Variants in EIF3A observed in about 807,000 individuals in gnomAD.
EIF3A encodes the protein eukaryotic translation initiation factor 3 subunit A.
A neutral mutation model predicts 186.6 loss-of-function variants in EIF3A; 21 were observed. That is an observed-to-expected ratio of 0.11 (90% CI 0.08 to 0.16). EIF3A has a LOEUF of 0.16. Among genes scored for constraint, EIF3A ranks in the 10% least tolerant of loss-of-function variants. The pLI is 1.00. For missense variants in EIF3A, 1,306 were observed against 1,796.3 expected (o/e 0.73, Z 4.93); for synonymous variants, 563 against 584.3 (o/e 0.96, Z 0.52).
chr10:119,080,450 T>G, intron 1 of EIF3A, 178 bp downstream of exon 1: 2 of 985,210 alleles, frequency 2.0e-6, no homozygotes, highest in Non-Finnish European at 2.4e-6. Context: ...CAGACCCCAG[T>G]CGATAGAGTG....
chr10:119,050,091 AG>A, intron 16 of EIF3A, 106 bp from the exon 17 acceptor site: 1 of 1,110,312 alleles, frequency 9.0e-7, no homozygotes, highest in Non-Finnish European at 1.3e-6. Flanking sequence ...TACAAGTAAA[AG>A]AATTTGAAAA....
Position 119,061,202 on chromosome 10 carries a change from G to A in EIF3A, c.1227+22C>T, listed in dbSNP as rs751987593. ...AAGGCCAACTCTGTGGTAACAACCA[G>A]AACTTAAATACAAAGGCTTACCTTT... On this transcript the variant is annotated intron_variant, in intron 8 of 21. Transcript: ENST00000369144. The A allele has an allele frequency of 9.5e-6, 13 of 1,374,746 alleles. No homozygotes were observed. In the Admixed American group the frequency reaches 1.9e-4, roughly 21 times the overall value. 85.2% of individuals were successfully genotyped at this position (1,374,746 alleles called of 1,614,324 possible).
chr10:119,064,719 TTTG>T (rs1226950601), intron 7 of EIF3A, among the ~76,000 whole-genome samples: 4 of 152,106 alleles, frequency 2.6e-5, no homozygotes, highest in African/African-American at 9.7e-5. Flanking sequence ...TTTTTGTTTG[TTTG>T]TTTGAAAAGG....
At chr10:119,064,322 C>T (rs907401751) in intron 7 of EIF3A, among the ~76,000 whole-genome samples, 2 of 152,134 alleles carry the variant, frequency 1.3e-5, no homozygotes, top group Non-Finnish European at 2.9e-5. Flanking sequence ...CTTACCTTCT[C>T]CCCTAGTGAT....
At chr10:119,037,907 A>ATTTTTTT (rs575308953) in intron 20 of EIF3A, among the ~76,000 whole-genome samples, 2 of 93,104 alleles carry the variant, frequency 2.1e-5, no homozygotes, top group Non-Finnish European at 3.8e-5. Context: ...TTAAGAGGGA[A>ATTTTTTT]TTTTTTTTTT....
rs765075620 is a variant in EIF3A at position 119,042,129 on chromosome 10, G to T, written c.3391C>A (p.Arg1131Ser). The change falls in exon 19 of 22, where the codon CGT becomes AGT. Residue 1131 changes from arginine to serine, a missense_variant. Arg to Ser is a moderately radical substitution (Grantham distance 110). This residue lies in a region of EIF3A where 331 missense variants were observed against 365.8 expected (regional missense o/e 0.90). Coordinates refer to ENST00000369144, the MANE Select transcript of EIF3A (RefSeq NM_003750.4). The surrounding 1 kb of genome is among the most constrained non-coding windows in gnomAD (Gnocchi z 7.8). ...RNADDDRIPR[R>S]GAEDDRGPWR... Reference sequence around the variant, plus strand: ...GGGCCCCTGTCATCCTCTGCACCACGCCTGGGAATTCTGTCATCATCGGCG... The same window carrying T: ...GGGCCCCTGTCATCCTCTGCACCACTCCTGGGAATTCTGTCATCATCGGCG... 1 of 1,614,054 alleles carries T rather than the reference G, an allele frequency of 6.2e-7. No individual in the cohort carries two copies. Among genetic ancestry groups the T allele is most frequent in the Non-Finnish European group, 8.5e-7 (1 of 1,180,022 alleles).
At chr10:119,063,847 C>T (rs974192040) in intron 7 of EIF3A, among the ~76,000 whole-genome samples, 2 of 152,180 alleles carry the variant, frequency 1.3e-5, no homozygotes, top group African/African-American at 4.8e-5. Context: ...CTTAGGGAAG[C>T]CGAGGGGGAT....
At chr10:119,068,154 G>GT (rs1564759279) in intron 6 of EIF3A, among the ~76,000 whole-genome samples, 1 of 151,974 alleles carries the variant, frequency 6.6e-6, no homozygotes, top group African/African-American at 2.4e-5. Context: ...CAGGTTATAC[G>GT]TAACGTTAAA....
intron 14 of EIF3A, among the ~76,000 whole-genome samples, chr10:119,055,110 C>T (rs767902315): frequency 1.1e-4 from 17 of 152,048 alleles, no homozygotes; most frequent in Non-Finnish European, 2.4e-4. Context: ...TGGGAGGCTG[C>T]GGCCAGAGAA....
intron 17 of EIF3A, among the ~76,000 whole-genome samples, chr10:119,047,255 G>A (rs912015281): frequency 1.3e-5 from 2 of 152,122 alleles, no homozygotes; most frequent in Admixed American, 6.5e-5. Flanking sequence ...GCAACAGAGC[G>A]AGACTGTCTC....
chr10:119,080,758 G>GT lies in EIF3A; in HGVS notation c.-83dup, dbSNP rs1243702563. 1 of 1,529,696 alleles carries GT rather than the reference G, an allele frequency of 6.5e-7. No individual in the cohort carries two copies. The highest frequency in any genetic ancestry group is 2.0e-5 in the Admixed American group (1 of 48,814). 94.8% of individuals were successfully genotyped at this position (1,529,696 alleles called of 1,614,324 possible). A position where few individuals can be genotyped will look rare whatever the true frequency, so the allele number is the denominator to read the frequency against. On this transcript the variant is annotated 5_prime_UTR_variant, in exon 1 of 22. Transcript: ENST00000369144. ...GGAGAGGAGACGAAGGGGAACCAGC[G>GT]TAAGGTCCCACGCGCCTCGCCAGCA... is the stretch of plus-strand genomic sequence containing the variant.
At chr10:119,072,712 C>T (rs185689086) in intron 4 of EIF3A, among the ~76,000 whole-genome samples, 178 bp downstream of exon 4, 1 of 152,350 alleles carries the variant, frequency 6.6e-6, no homozygotes, top group African/African-American at 2.4e-5. Flanking sequence ...ACCTTGACCT[C>T]CCAAAGTGCT....
At chr10:119,068,304 T>A (rs1343779677) in intron 6 of EIF3A, among the ~76,000 whole-genome samples, 1 of 152,248 alleles carries the variant, frequency 6.6e-6, no homozygotes, top group Admixed American at 6.5e-5. Flanking sequence ...TATATTCATA[T>A]GTATTTATAT....
chr10:119,050,401 A>G, intron 16 of EIF3A, 120 bp downstream of exon 16: 1 of 986,294 alleles, frequency 1.0e-6, no homozygotes. Flanking sequence ...GATCCAGTTA[A>G]TTACAGTGCT....
chr10:119,073,400 G>A, intron 3 of EIF3A, 41 bp downstream of exon 3: 2 of 1,448,014 alleles, frequency 1.4e-6, no homozygotes, highest in South Asian at 1.3e-5. Flanking sequence ...AAAACACCAA[G>A]TTAACTATCA....
At chr10:119,048,682 T>C (rs1848315224) in intron 17 of EIF3A, among the ~76,000 whole-genome samples, 1 of 151,952 alleles carries the variant, frequency 6.6e-6, no homozygotes, top group African/African-American at 2.4e-5. Context: ...TTTTTTTTTT[T>C]TTCCCCTGAG....
chr10:119,040,023 T>C (rs1848186781), intron 19 of EIF3A, among the ~76,000 whole-genome samples: 1 of 152,062 alleles, frequency 6.6e-6, no homozygotes, highest in South Asian at 2.1e-4. Context: ...CCATTTAACA[T>C]GAGGAAAAGA....
intron 7 of EIF3A, among the ~76,000 whole-genome samples, chr10:119,062,276 G>A (rs917555355): frequency 2.0e-5 from 3 of 151,974 alleles, no homozygotes; most frequent in South Asian, 2.1e-4. Flanking sequence ...GTCCCCTTCC[G>A]AATAGGGAAA....
intron 1 of EIF3A, among the ~76,000 whole-genome samples, chr10:119,075,651 CATATAT>C (rs5788328): frequency 7.2e-5 from 7 of 97,064 alleles, no homozygotes; most frequent in East Asian, 3.6e-4. Flanking sequence ...TATATATATA[CATATAT>C]ATATATATAT....
Sources: gnomAD v4.1 joint callset for allele counts (sites outside exome capture counted in the v4.1 genomes callset) on GRCh38, gnomAD v4.1.1 for gene constraint, gnomAD v4.1.1 regional missense constraint, Gnocchi (gnomAD v3.1) non-coding constraint, MANE v1.5 for transcripts, NCBI Gene and HGNC (gene_info 2026-07-23, HGNC 2026-07-21) for gene names.